The following CDH13 variants were observed in gnomAD, a reference collection of about 807,000 sequenced individuals.
CDH13 encodes the protein cadherin 13.
A neutral mutation model predicts 63.8 loss-of-function variants in CDH13; 24 were observed. The observed-to-expected ratio is 0.38, with a 90% confidence interval of 0.27 to 0.53. The LOEUF is 0.53. CDH13 is among the 20% of genes least tolerant of loss of function. CDH13 has a pLI of 0.85. For synonymous variants in CDH13, 503 were observed against 355.3 expected (o/e 1.42, Z -4.67); for missense variants, 1,049 against 903.1 (o/e 1.16, Z -2.07).
At chr16:82,948,010 G>T (rs1904919406) in intron 2 of CDH13, among the ~76,000 whole-genome samples, 1 of 152,154 alleles carries the variant, frequency 6.6e-6, no homozygotes, top group Admixed American at 6.6e-5. Flanking sequence ...GACTTCACAT[G>T]TATTTATGGA....
chr16:82,867,253 C>A (rs1352544964), intron 2 of CDH13, among the ~76,000 whole-genome samples: 1 of 152,114 alleles, frequency 6.6e-6, no homozygotes, highest in Admixed American at 6.5e-5. Context: ...TGGTTTTCAT[C>A]CATAGTTCTG....
At chr16:83,648,287 C>T (rs1476189238) in intron 8 of CDH13, among the ~76,000 whole-genome samples, 1 of 152,100 alleles carries the variant, frequency 6.6e-6, no homozygotes, top group Non-Finnish European at 1.5e-5. Context: ...GGTCTCGAGG[C>T]AGAACAACTC....
At chr16:82,780,852 C>T (rs763101947) in intron 1 of CDH13, among the ~76,000 whole-genome samples, 5 of 152,110 alleles carry the variant, frequency 3.3e-5, no homozygotes, top group African/African-American at 7.2e-5. Flanking sequence ...TGTAATAACC[C>T]GATACACAAA....
At chr16:83,421,725 G>A (rs749414543) in intron 6 of CDH13, among the ~76,000 whole-genome samples, 1 of 152,154 alleles carries the variant, frequency 6.6e-6, no homozygotes, top group Non-Finnish European at 1.5e-5. Flanking sequence ...TTTGTTGTTA[G>A]CGTCCAGTAA....
rs116971320 is a variant in CDH13, at chr16:83,021,127, T to C, written c.158-10883T>C. Among the ~76,000 whole-genome samples, 126 of 152,284 alleles carry C rather than the reference T, an allele frequency of 8.3e-4. 2 individuals carry two copies. In the East Asian group the frequency reaches 0.021, roughly 26 times the overall value. ...ATTCTCAAACTTGCTGAATCCATGA[T>C]TTTTCTTTCGCTTAATGGGTGACTT... is the stretch of plus-strand genomic sequence containing the variant. On this transcript the variant is annotated intron_variant, in intron 2 of 13. Coordinates refer to ENST00000567109, the MANE Select transcript of CDH13 (RefSeq NM_001257.5).
Position 83,204,250 on chromosome 16 carries a change from T to C in CDH13, c.484-13095T>C, listed in dbSNP as rs528373383. Among the ~76,000 whole-genome samples the C allele has an allele frequency of 1.8e-3, 278 of 152,334 alleles. 5 individuals are homozygous for C. The highest frequency in any genetic ancestry group is 4.0e-4 in the Non-Finnish European group (27 of 68,034). On this transcript the variant is annotated intron_variant, in intron 4 of 13. Coordinates refer to ENST00000567109, the MANE Select transcript of CDH13 (RefSeq NM_001257.5). The stretch of plus-strand genomic sequence containing the variant: ...AAGTATGGGTCAAGACCATGGGCTC[T>C]GGGGGATTTGGTTCCAATCCAAAAT...
At chr16:83,506,148 C>G (rs2074389336) in intron 7 of CDH13, among the ~76,000 whole-genome samples, 1 of 152,094 alleles carries the variant, frequency 6.6e-6, no homozygotes, top group Non-Finnish European at 1.5e-5. Context: ...TCAGGCCATG[C>G]AGGAATAAAA....
chr16:83,317,050 G>A (rs549325498), intron 5 of CDH13, among the ~76,000 whole-genome samples: 67 of 152,292 alleles, frequency 4.4e-4, no homozygotes, highest in Non-Finnish European at 6.6e-4. Flanking sequence ...GACATTTCTG[G>A]TTATCACAAC....
intron 1 of CDH13, among the ~76,000 whole-genome samples, chr16:82,654,615 T>C (rs1911091575): frequency 6.6e-6 from 1 of 152,210 alleles, no homozygotes; most frequent in African/African-American, 2.4e-5. Flanking sequence ...TTCTGGACAA[T>C]TTAATACCAT....
At chr16:83,292,206 A>G (rs1407215060) in intron 5 of CDH13, among the ~76,000 whole-genome samples, 1 of 152,370 alleles carries the variant, frequency 6.6e-6, no homozygotes, top group South Asian at 2.1e-4. Context: ...GCAAAACCCA[A>G]TTAATACACA....
intron 6 of CDH13, among the ~76,000 whole-genome samples, chr16:83,368,925 T>C (rs1338364312): frequency 1.3e-5 from 1 of 75,218 alleles, no homozygotes; most frequent in Non-Finnish European, 2.6e-5. Context: ...TATATATATA[T>C]ATATATATAT....
Position 82,839,957 on chromosome 16 carries a change from A to G in CDH13, c.46-18405A>G, listed in dbSNP as rs537293045. Among the ~76,000 whole-genome samples the G allele has an allele frequency of 4.6e-5, 7 of 152,350 alleles. No individual in the cohort carries two copies. The South Asian group carries it at 8.3e-4, about 18-fold the overall frequency. On this transcript the variant is annotated intron_variant, in intron 1 of 13. Transcript: ENST00000567109. ...AATCCAGCTTGGGTTGAAAATATCC[A>G]AAGGACTGACTCATGAAATTTCAAG...
At chr16:82,645,350 T>C (rs79478423) in intron 1 of CDH13, among the ~76,000 whole-genome samples, 69 of 152,340 alleles carry the variant, frequency 4.5e-4, no homozygotes, top group African/African-American at 1.6e-3. Flanking sequence ...TATTTGCTGA[T>C]CCTTCTGACG....
chr16:83,016,262 G>C (rs748367517), intron 2 of CDH13, among the ~76,000 whole-genome samples: 5 of 152,208 alleles, frequency 3.3e-5, no homozygotes, highest in Non-Finnish European at 7.3e-5. Flanking sequence ...CCAAATCATT[G>C]TCTTTTAATT....
At chr16:82,662,584 C>G (rs1244314272) in intron 1 of CDH13, among the ~76,000 whole-genome samples, 2 of 152,204 alleles carry the variant, frequency 1.3e-5, no homozygotes, top group Non-Finnish European at 2.9e-5. Context: ...CCACCACTAT[C>G]AGGTCTTGCC....
chr16:82,789,986 G>A (rs2036215905), intron 1 of CDH13, among the ~76,000 whole-genome samples: 1 of 152,126 alleles, frequency 6.6e-6, no homozygotes, highest in Admixed American at 6.5e-5. Context: ...CTATTGGCGA[G>A]ATTTCTTCTT....
intron 4 of CDH13, among the ~76,000 whole-genome samples, chr16:83,198,219 A>G (rs1197857711): frequency 1.3e-5 from 2 of 152,118 alleles, no homozygotes; most frequent in African/African-American, 2.4e-5. Flanking sequence ...TCCCATTGCC[A>G]AGTACAACAA....
intron 7 of CDH13, among the ~76,000 whole-genome samples, chr16:83,537,368 C>A (rs966234922): frequency 6.4e-4 from 97 of 152,130 alleles, no homozygotes; most frequent in African/African-American, 2.3e-3. Flanking sequence ...CTTTAGGCTG[C>A]AACCTAAAGG....
chr16:82,816,350 C>G (rs1416306220), intron 1 of CDH13, among the ~76,000 whole-genome samples: 1 of 151,970 alleles, frequency 6.6e-6, no homozygotes, highest in African/African-American at 2.4e-5. Flanking sequence ...GACACACAGA[C>G]AAAAATCCCT....
Sources: allele counts gnomAD v4.1 joint callset (sites outside exome capture counted in the v4.1 genomes callset), GRCh38; gene constraint gnomAD v4.1.1; transcripts MANE v1.5; gene names NCBI Gene and HGNC (gene_info 2026-07-23, HGNC 2026-07-21).